Variants in SRBD1 observed in about 807,000 individuals in gnomAD.
SRBD1 encodes S1 RNA binding domain 1.
A neutral mutation model predicts 115.3 loss-of-function variants in SRBD1; 88 were observed. The ratio of observed to expected loss-of-function variants is 0.76; its 90% CI spans 0.64 to 0.91. The LOEUF is 0.91. SRBD1 is among the 40% of genes least tolerant of loss of function. The pLI is 0.00. For missense variants in SRBD1, 1,385 were observed against 1,177.4 expected, an observed-to-expected ratio of 1.18 and a Z score of -2.58; for synonymous variants, 509 against 407.7, an observed-to-expected ratio of 1.25 and a Z score of -2.99.
intron 10 of SRBD1, among the ~76,000 whole-genome samples, chr2:45,560,533 C>T (rs1372712503): frequency 6.6e-6 from 1 of 152,106 alleles, no homozygotes; most frequent in Non-Finnish European, 1.5e-5. Context: ...CTCAAATCTA[C>T]AAGTAAAGTA....
At chr2:45,468,859 C>T (rs1669569147) in intron 16 of SRBD1, among the ~76,000 whole-genome samples, 1 of 152,152 alleles carries the variant, frequency 6.6e-6, no homozygotes, top group Admixed American at 6.5e-5. Context: ...AAATAATGTA[C>T]AAGATTCCAA....
At chr2:45,439,921 G>T (rs1668609592) in intron 16 of SRBD1, among the ~76,000 whole-genome samples, 1 of 152,004 alleles carries the variant, frequency 6.6e-6, no homozygotes, top group Non-Finnish European at 1.5e-5. Context: ...TAGTGGCCGG[G>T]GTGCAAAATA....
chr2:45,414,843 CATATAGTGTGTATATAGTATGT>C (rs1667754206), intron 18 of SRBD1, among the ~76,000 whole-genome samples: 6 of 122,716 alleles, frequency 4.9e-5, no homozygotes, highest in African/African-American at 1.2e-4. Context: ...TGTACACACA[CATATAGTGTGTATATAGTATGT>C]ACACACAATA....
intron 15 of SRBD1, among the ~76,000 whole-genome samples, chr2:45,480,660 G>A (rs995716131): frequency 2.0e-5 from 3 of 152,112 alleles, no homozygotes; most frequent in Non-Finnish European, 2.9e-5. Context: ...TGCTATGAAC[G>A]TTGTGGAAAT....
At chr2:45,585,478 T>A in intron 5 of SRBD1, 130 bp downstream of exon 5, 2 of 978,430 alleles carry the variant, frequency 2.0e-6, no homozygotes, top group Non-Finnish European at 1.5e-6. Context: ...TAAAGAGGAC[T>A]ATATCCAGAT....
At chr2:45,546,964 C>CAGTGGA in intron 13 of SRBD1, 125 bp from the exon 14 acceptor site, 1 of 857,420 alleles carries the variant, frequency 1.2e-6, no homozygotes, top group Non-Finnish European at 1.9e-6. Context: ...ATACAAGCAA[C>CAGTGGA]CTGTCCACTG....
At chr2:45,534,609 T>C (rs1376301714) in intron 14 of SRBD1, among the ~76,000 whole-genome samples, 1 of 151,978 alleles carries the variant, frequency 6.6e-6, no homozygotes, top group Non-Finnish European at 1.5e-5. Flanking sequence ...ATGGTTTTTA[T>C]CATTCCTAGA....
chr2:45,476,329 A>G (rs911270378), intron 16 of SRBD1, among the ~76,000 whole-genome samples: 2 of 152,138 alleles, frequency 1.3e-5, no homozygotes, highest in African/African-American at 4.8e-5. Context: ...CTTTAGAAAA[A>G]GTGTAGTATA....
chr2:45,492,329 G>C (rs1429356670), intron 14 of SRBD1, among the ~76,000 whole-genome samples: 1 of 152,132 alleles, frequency 6.6e-6, no homozygotes, highest in Non-Finnish European at 1.5e-5. Flanking sequence ...TTTTCTTACA[G>C]TGACTATTCA....
intron 16 of SRBD1, among the ~76,000 whole-genome samples, chr2:45,457,076 C>T (rs2103761114): frequency 6.6e-6 from 1 of 151,890 alleles, no homozygotes; most frequent in African/African-American, 2.4e-5. Flanking sequence ...TTTATAGCAT[C>T]ATTTTTGAAA....
At chr2:45,401,395 C>A (rs370175968) in intron 19 of SRBD1, among the ~76,000 whole-genome samples, 5 of 152,128 alleles carry the variant, frequency 3.3e-5, no homozygotes, top group African/African-American at 1.2e-4. Flanking sequence ...TATTGTCTAG[C>A]CATAGGTCTA....
intron 5 of SRBD1, among the ~76,000 whole-genome samples, chr2:45,584,371 T>C (rs1040330104): frequency 6.6e-6 from 1 of 152,210 alleles, no homozygotes; most frequent in Non-Finnish European, 1.5e-5. Context: ...CTGAGACTAT[T>C]TGATTTAGTC....
At chr2:45,391,735 T>C (rs921527612) in intron 20 of SRBD1, among the ~76,000 whole-genome samples, 3 of 152,292 alleles carry the variant, frequency 2.0e-5, no homozygotes, top group Admixed American at 6.5e-5. Context: ...GGTAGTTTAA[T>C]TGGACCATAT....
At chr2:45,457,403 T>C (rs986578400) in intron 16 of SRBD1, among the ~76,000 whole-genome samples, 5 of 152,104 alleles carry the variant, frequency 3.3e-5, no homozygotes, top group Non-Finnish European at 5.9e-5. Context: ...TGAGCACTAC[T>C]AGGACAACAG....
chr2:45,534,517 T>C (rs961097787), intron 14 of SRBD1, among the ~76,000 whole-genome samples: 1 of 152,012 alleles, frequency 6.6e-6, no homozygotes, highest in South Asian at 2.1e-4. Context: ...GCACCTTAAC[T>C]TGTCATTAGG....
At chr2:45,571,949 C>T (rs530839127) in intron 9 of SRBD1, among the ~76,000 whole-genome samples, 6 of 152,006 alleles carry the variant, frequency 3.9e-5, no homozygotes, top group South Asian at 2.1e-4. Context: ...GAGAGAAAGG[C>T]GCAGAAAGGA....
intron 3 of SRBD1, among the ~76,000 whole-genome samples, chr2:45,600,728 G>C (rs771659727): frequency 6.6e-6 from 1 of 152,172 alleles, no homozygotes; most frequent in Non-Finnish European, 1.5e-5. Flanking sequence ...ACTGGGTATA[G>C]TGTAAATAAG....
At chr2:45,527,178 T>C (rs1236213616) in intron 14 of SRBD1, among the ~76,000 whole-genome samples, 3 of 151,832 alleles carry the variant, frequency 2.0e-5, no homozygotes, top group Admixed American at 2.0e-4. Flanking sequence ...CCACATACAT[T>C]ATGTGTGGGG....
At chr2:45,488,671 T>A (rs955302398) in intron 14 of SRBD1, among the ~76,000 whole-genome samples, 8 of 152,214 alleles carry the variant, frequency 5.3e-5, no homozygotes, top group Non-Finnish European at 1.2e-4. Context: ...AGAATGCACA[T>A]AGCCTCTCCT....
Sources: gnomAD v4.1 joint callset for allele counts (sites outside exome capture counted in the v4.1 genomes callset) on GRCh38, gnomAD v4.1.1 for gene constraint, MANE v1.5 for transcripts, NCBI Gene and HGNC (gene_info 2026-07-23, HGNC 2026-07-21) for gene names.